Variants in KNOP1 observed in about 807,000 individuals in gnomAD.
KNOP1 encodes the protein lysine-rich nucleolar protein 1.
In KNOP1, 20 loss-of-function variants were observed where a neutral mutation model predicts 30.6. The ratio of observed to expected loss-of-function variants is 0.65; its 90% CI spans 0.46 to 0.95. KNOP1 has a LOEUF of 0.95. KNOP1 is among the 40% of genes least tolerant of loss of function. The pLI, the probability that KNOP1 is intolerant of heterozygous loss-of-function variation, is 0.00. For missense variants in KNOP1, 540 were observed against 562.0 expected (o/e 0.96, Z 0.40); for synonymous variants, 204 against 210.0 (o/e 0.97, Z 0.25).
chr16:19,710,911 C>CAAAA (rs547237111), intron 3 of KNOP1, among the ~76,000 whole-genome samples: 2 of 80,662 alleles, frequency 2.5e-5, no homozygotes, highest in African/African-American at 4.0e-5. Flanking sequence ...GACTCCGTCT[C>CAAAA]AAAAAAAAAA....
Position 19,706,260 on chromosome 16 carries a change from C to A in KNOP1, c.*650G>T, listed in dbSNP as rs142650764. On this transcript the variant is annotated 3_prime_UTR_variant, in exon 5 of 5. Coordinates refer to ENST00000219837, the MANE Select transcript of KNOP1 (RefSeq NM_001012991.3). ...CATCTAAAGACATTTCAATCCCCAA[C>A]GAGGATTCTGGTGGAAATTCCCTAA... The A allele has an allele frequency of 1.3e-5, 2 of 152,604 alleles. No individual in the cohort carries two copies. The highest frequency in any genetic ancestry group is 1.3e-4 in the Admixed American group (2 of 15,274). 9.5% of individuals were successfully genotyped at this position (152,604 alleles called of 1,614,324 possible). A position where few individuals can be genotyped will look rare whatever the true frequency, so the allele number is the denominator to read the frequency against.
rs1456522622 is a variant in KNOP1, at chr16:19,706,549, G to C, written c.*361C>G. On this transcript the variant is annotated 3_prime_UTR_variant, in exon 5 of 5. Coordinates refer to ENST00000219837, the MANE Select transcript of KNOP1 (RefSeq NM_001012991.3). Reference sequence around the variant, plus strand: ...TGTACATACTGATGTCTCAAACAGGGACGGAATGTTTAACACAGAAAACAG... The same window carrying C: ...TGTACATACTGATGTCTCAAACAGGCACGGAATGTTTAACACAGAAAACAG... 1 of 267,434 alleles carries C rather than the reference G, an allele frequency of 3.7e-6. No homozygotes were observed. The highest frequency in any genetic ancestry group is 2.3e-5 in the African/African-American group (1 of 43,214). 16.6% of individuals were successfully genotyped at this position (267,434 alleles called of 1,614,324 possible). A position where few individuals can be genotyped will look rare whatever the true frequency, so the allele number is the denominator to read the frequency against.
rs968999156 is a variant in KNOP1, at chr16:19,702,632, T to C, written c.*4278A>G. ...AAGCCGGTCTCTGAAAACACTGGTC[T>C]ATGTGAGATGAAGTCTATCATTAGC... is the stretch of plus-strand genomic sequence containing the variant. On this transcript the variant is annotated 3_prime_UTR_variant, in exon 5 of 5. Coordinates refer to ENST00000219837, the MANE Select transcript of KNOP1 (RefSeq NM_001012991.3). 1.5e-4 allele frequency: 23 copies of C among 152,178 alleles called. No individual in the cohort carries two copies. Among genetic ancestry groups the C allele is most frequent in the African/African-American group, 4.3e-4 (18 of 41,442 alleles). The allele number at this position is 152,178 out of a possible 1,614,324, so 9.4% of individuals were successfully genotyped here. A position where few individuals can be genotyped will look rare whatever the true frequency, so the allele number is the denominator to read the frequency against.
chr16:19,716,764 A>C (rs986583480), intron 1 of KNOP1, among the ~76,000 whole-genome samples: 3 of 152,236 alleles, frequency 2.0e-5, no homozygotes, highest in Admixed American at 2.0e-4. Flanking sequence ...GAGGGAGACC[A>C]CATGCATGCA....
rs1297126546 is a variant in KNOP1, at chr16:19,703,445, A to G, written c.*3465T>C. ...CTTCCTGTTTTAAGGTCAGCTGATT[A>G]GCAAACTTAATTCCCTTTTGTTTCG... On this transcript the variant is annotated 3_prime_UTR_variant, in exon 5 of 5. Coordinates refer to ENST00000219837, the MANE Select transcript of KNOP1 (RefSeq NM_001012991.3). 6.6e-6 allele frequency: 1 copy of G among 152,132 alleles called. No homozygotes were observed. The highest frequency in any genetic ancestry group is 1.5e-5 in the Non-Finnish European group (1 of 68,034). 9.4% of individuals were successfully genotyped at this position (152,132 alleles called of 1,614,324 possible). A position where few individuals can be genotyped will look rare whatever the true frequency, so the allele number is the denominator to read the frequency against.
chr16:19,704,664 A>G lies in KNOP1; in HGVS notation c.*2246T>C, dbSNP rs1305852355. 1 of 154,010 alleles carries G rather than the reference A, an allele frequency of 6.5e-6. No individual in the cohort carries two copies. The highest frequency in any genetic ancestry group is 1.4e-5 in the Non-Finnish European group (1 of 69,302). 9.5% of individuals were successfully genotyped at this position (154,010 alleles called of 1,614,324 possible). On this transcript the variant is annotated 3_prime_UTR_variant, in exon 5 of 5. Coordinates refer to ENST00000219837, the MANE Select transcript of KNOP1 (RefSeq NM_001012991.3). ...GTAGTGTTGCTCAAGGTCAGGAGGG[A>G]TTTGTTTCTCCATCAAAGGAGGAGG...
At chr16:19,715,099 G>T in intron 1 of KNOP1, 62 bp from the exon 2 acceptor site, 1 of 1,221,102 alleles carries the variant, frequency 8.2e-7, no homozygotes, top group South Asian at 1.6e-5. Flanking sequence ...ATTCTACTAA[G>T]CATTGCCAAG....
rs1976360396 is a variant in KNOP1, at chr16:19,706,561, A to G, written c.*349T>C. On this transcript the variant is annotated 3_prime_UTR_variant, in exon 5 of 5. Coordinates refer to ENST00000219837, the MANE Select transcript of KNOP1 (RefSeq NM_001012991.3). ...TGTCTCAAACAGGGACGGAATGTTT[A>G]ACACAGAAAACAGGAGGTTTTAGCA... 1 of 287,946 alleles carries G rather than the reference A, an allele frequency of 3.5e-6. No individual in the cohort carries two copies. The highest frequency in any genetic ancestry group is 5.2e-5 in the Admixed American group (1 of 19,412). 17.8% of individuals were successfully genotyped at this position (287,946 alleles called of 1,614,324 possible).
Position 19,709,987 on chromosome 16 carries a change from C to T in KNOP1, c.1065+522G>A, listed in dbSNP as rs543452967. ...CCAGCACAGAGCCCCCACTGAACTC[C>T]GCCAGGGCCCCAGCCTGACAACCTC... On this transcript the variant is annotated intron_variant, in intron 4 of 4. Coordinates refer to ENST00000219837, the MANE Select transcript of KNOP1 (RefSeq NM_001012991.3). Among the ~76,000 whole-genome samples the T allele has an allele frequency of 7.2e-5, 11 of 152,260 alleles. No individual in the cohort carries two copies. The South Asian group carries it at 1.5e-3, about 20-fold the overall frequency.
rs920522608 is a variant in KNOP1, at chr16:19,705,854, T to C, written c.*1056A>G. ...GTTGCAACAAGCCGTGATATGCCAC[T>C]ACACTCCAGCCTGGGTGACAGAGTG... On this transcript the variant is annotated 3_prime_UTR_variant, in exon 5 of 5. Coordinates refer to ENST00000219837, the MANE Select transcript of KNOP1 (RefSeq NM_001012991.3). 1 of 152,620 alleles carries C rather than the reference T, an allele frequency of 6.6e-6. No homozygotes were observed. Among genetic ancestry groups the C allele is most frequent in the African/African-American group, 2.4e-5 (1 of 41,456 alleles). 9.5% of individuals were successfully genotyped at this position (152,620 alleles called of 1,614,324 possible).
chr16:19,711,306 CA>C (rs1976706681), intron 3 of KNOP1, 65 bp downstream of exon 3: 1 of 1,522,036 alleles, frequency 6.6e-7, no homozygotes, highest in African/African-American at 1.4e-5. Flanking sequence ...GCCTGGCAGG[CA>C]GCAAGTGAGA....
rs779844587 is a variant in KNOP1, at chr16:19,705,281, C to G, written c.*1629G>C. 1.5e-5 allele frequency: 7 copies of G among 455,954 alleles called. No individual in the cohort carries two copies. The highest frequency in any genetic ancestry group is 3.1e-5 in the Non-Finnish European group (7 of 226,742). 28.2% of individuals were successfully genotyped at this position (455,954 alleles called of 1,614,324 possible). On this transcript the variant is annotated 3_prime_UTR_variant, in exon 5 of 5. Transcript: ENST00000219837. ...TGAACTTTCTGGCCATCGAGGCCTGCCTGGGCTGGGATGTCTGTAGGAGGC... is the reference window on the plus strand; with the variant it reads ...TGAACTTTCTGGCCATCGAGGCCTGGCTGGGCTGGGATGTCTGTAGGAGGC...
chr16:19,718,063 T>C, intron 1 of KNOP1, 95 bp downstream of exon 1: 2 of 1,418,682 alleles, frequency 1.4e-6, no homozygotes, highest in South Asian at 1.5e-5. Context: ...GGGATGTGGG[T>C]GGACCGCATT....
At chr16:19,716,603 G>C (rs1013757448) in intron 1 of KNOP1, 2 of 152,186 alleles carry the variant, frequency 1.3e-5, no homozygotes, top group East Asian at 3.8e-4. Context: ...ATAAAGTTAG[G>C]AATGTATGGG....
At chr16:19,717,627 G>A (rs1977237043) in intron 1 of KNOP1, 2 of 985,616 alleles carry the variant, frequency 2.0e-6, no homozygotes, top group Non-Finnish European at 2.4e-6. Context: ...AAGGAGAAAG[G>A]AAAAGAACGT....
In KNOP1 at chr16:19,711,923, G is replaced by T. The variant is rs894727843; in HGVS notation, c.919-483C>A. The T allele has an allele frequency of 9.2e-4, 158 of 172,534 alleles. 1 individual carries two copies. Among genetic ancestry groups the T allele is most frequent in the Non-Finnish European group, 1.7e-4 (14 of 80,678 alleles). The allele number at this position is 172,534 out of a possible 1,614,324, so 10.7% of individuals were successfully genotyped here. ...ACCTCAGGCCGGCCACTTTCTTGGGGTTCTTCAGTAACGACAAATGCTGAC... is the reference window on the plus strand; with the variant it reads ...ACCTCAGGCCGGCCACTTTCTTGGGTTTCTTCAGTAACGACAAATGCTGAC... On this transcript the variant is annotated intron_variant, in intron 2 of 4. Coordinates refer to ENST00000219837, the MANE Select transcript of KNOP1 (RefSeq NM_001012991.3).
rs757587818 is a variant in KNOP1, at chr16:19,707,002, TG to T, written c.1284del (p.Tyr428Ter). The T allele has an allele frequency of 6.2e-7, 1 of 1,614,116 alleles. No individual in the cohort carries two copies. Among genetic ancestry groups the T allele is most frequent in the Non-Finnish European group, 8.5e-7 (1 of 1,180,052 alleles). On this transcript the variant is annotated frameshift_variant, in exon 5 of 5. Coordinates refer to ENST00000219837, the MANE Select transcript of KNOP1 (RefSeq NM_001012991.3). LOFTEE classifies it high-confidence loss of function. ...GAGAAGCCGAGGCCGGCTCCCCGGC[TG>T]TACTTCCAGCTCATGGCCCGGTCGT... The part of the protein sequence containing the change: ...RDYDRAMSWK[Y>X]SRGAGLGFST...
intron 3 of KNOP1, among the ~76,000 whole-genome samples, 177 bp from the exon 4 acceptor site, chr16:19,710,763 G>A (rs987749507): frequency 3.3e-5 from 5 of 152,180 alleles, no homozygotes; most frequent in Admixed American, 2.6e-4. Context: ...CTCAAGGGCT[G>A]CGCCCCTTGG....
In KNOP1 at chr16:19,702,998, A is replaced by C. The variant is rs1321197565; in HGVS notation, c.*3912T>G. On this transcript the variant is annotated 3_prime_UTR_variant, in exon 5 of 5. Coordinates refer to ENST00000219837, the MANE Select transcript of KNOP1 (RefSeq NM_001012991.3). Reference sequence around the variant, plus strand: ...CGTGGAGTGAGAGTGAGACTGTCTCAAAAAAAAAAAAAGAAAGAAAAACAA... The same window carrying C: ...CGTGGAGTGAGAGTGAGACTGTCTCCAAAAAAAAAAAAGAAAGAAAAACAA... The C allele has an allele frequency of 1.6e-5, 2 of 125,740 alleles. No individual in the cohort carries two copies. The highest frequency in any genetic ancestry group is 3.1e-5 in the Non-Finnish European group (2 of 63,912). The allele number at this position is 125,740 out of a possible 1,614,324, so 7.8% of individuals were successfully genotyped here. A position where few individuals can be genotyped will look rare whatever the true frequency, so the allele number is the denominator to read the frequency against.
Sources: gnomAD v4.1 joint callset for allele counts (sites outside exome capture counted in the v4.1 genomes callset) on GRCh38, gnomAD v4.1.1 for gene constraint, MANE v1.5 for transcripts, NCBI Gene and HGNC (gene_info 2026-07-23, HGNC 2026-07-21) for gene names.